Variants in TRPM2 observed in about 807,000 individuals in gnomAD.
TRPM2 encodes estrogen-responsive element-associated gene 1 protein.
TRPM2 carries 161 observed loss-of-function variants against 174.0 expected under a neutral mutation model. That is an observed-to-expected ratio of 0.93 (90% CI 0.81 to 1.05). The LOEUF is 1.05. TRPM2 is among the 50% of genes least tolerant of loss of function. The probability of loss-of-function intolerance (pLI) is 0.00; values close to 1 mark genes in which losing one functional copy is unlikely to be tolerated. For synonymous variants in TRPM2, 954 were observed against 861.3 expected (o/e 1.11, Z -1.88); for missense variants, 2,057 against 2,038.0 (o/e 1.01, Z -0.18).
chr21:44,428,683 C>T (rs1314834934), intron 27 of TRPM2, among the ~76,000 whole-genome samples: 1 of 28,228 alleles, frequency 3.5e-5, no homozygotes, highest in Non-Finnish European at 1.3e-4. Flanking sequence ...TGGCTCCTCC[C>T]TGAGGTGTGG....
intron 18 of TRPM2, 143 bp from the exon 19 acceptor site, chr21:44,406,451 C>T: frequency 1.2e-5 from 12 of 1,036,806 alleles, no homozygotes; most frequent in Non-Finnish European, 1.6e-5. Flanking sequence ...GGGGGCAGCC[C>T]CAGGACTGCT....
chr21:44,427,055 C>T lies in TRPM2; in HGVS notation c.3918C>T (p.Gly1306=). 1.2e-6 allele frequency: 2 copies of T among 1,607,692 alleles called. No individual in the cohort carries two copies. The highest frequency in any genetic ancestry group is 2.2e-5 in the East Asian group (1 of 44,710). Residue 1306 remains glycine, a synonymous_variant, in exon 27 of 32, where the codon GGC becomes GGT. Coordinates refer to ENST00000397928, the MANE Select transcript of TRPM2 (RefSeq NM_003307.4). The part of the protein sequence containing the change: ...LSTIQYNVVD[G]LRDRRSFHGP... The stretch of plus-strand genomic sequence containing the variant: ...CGATCCAGTACAACGTGGTGGATGG[C>T]CTGAGGGACCGCCGGAGCTTCCACG...
intron 5 of TRPM2, among the ~76,000 whole-genome samples, chr21:44,372,353 G>A (rs1457745287): frequency 1.8e-4 from 27 of 151,958 alleles, no homozygotes; most frequent in East Asian, 3.9e-4. Context: ...AAAATTAGCC[G>A]GGCATGGTGG....
intron 8 of TRPM2, among the ~76,000 whole-genome samples, chr21:44,380,733 C>A (rs1339669438): frequency 1.3e-5 from 2 of 152,196 alleles, no homozygotes; most frequent in Non-Finnish European, 2.9e-5. Flanking sequence ...TGGGCGGCCC[C>A]GTCAGAGGGG....
chr21:44,405,091 A>T lies in TRPM2; in HGVS notation c.2539-51A>T, dbSNP rs558916823. 3.1e-6 allele frequency: 5 copies of T among 1,605,912 alleles called. No homozygotes were observed. The East Asian group carries it at 1.1e-4, about 36-fold the overall frequency. On this transcript the variant is annotated intron_variant, in intron 16 of 31. Coordinates refer to ENST00000397928, the MANE Select transcript of TRPM2 (RefSeq NM_003307.4). ...TAGTGATGTGACAGTGACAGTGAGG[A>T]TAGTAAGAGTGACAACCTGTCTGCC...
rs956889278 is a variant in TRPM2 at position 44,424,916 on chromosome 21, C to G, written c.3614C>G (p.Ser1205Trp). 6.2e-7 allele frequency: 1 copy of G among 1,606,092 alleles called. No individual in the cohort carries two copies. Among genetic ancestry groups the G allele is most frequent in the African/African-American group, 1.3e-5 (1 of 74,810 alleles). ...VRTLRASGFS[S>W]EADVPTLASQ... ...ACGCTGCGGGCCAGCGGCTTCAGCT[C>G]GGAGGCGGACGTCCCCACTCTGGGT... The change falls in exon 24 of 32, where the codon TCG becomes TGG. Residue 1205 changes from serine (S) to tryptophan (W), a missense_variant. Transcript: ENST00000397928.
At chr21:44,407,805 C>T (rs1198863817) in intron 19 of TRPM2, among the ~76,000 whole-genome samples, 1 of 151,814 alleles carries the variant, frequency 6.6e-6, no homozygotes. Context: ...GCTGTGTGGA[C>T]ACACCACATT....
intron 31 of TRPM2, among the ~76,000 whole-genome samples, chr21:44,441,152 G>A (rs2051490190): frequency 6.6e-6 from 1 of 152,194 alleles, no homozygotes; most frequent in South Asian, 2.1e-4. Flanking sequence ...AGGCTACAGG[G>A]TCAGAGTCTT....
Position 44,354,874 on chromosome 21 carries a change from G to T in TRPM2, c.254+138G>T. ...CCTCTGTCTCCATACGAGGCTTAGAGTCCACAGAGCATTTCCACCTAACCC... is the reference window on the plus strand; with the variant it reads ...CCTCTGTCTCCATACGAGGCTTAGATTCCACAGAGCATTTCCACCTAACCC... On this transcript the variant is annotated intron_variant, in intron 2 of 31. Coordinates refer to ENST00000397928, the MANE Select transcript of TRPM2 (RefSeq NM_003307.4). This position sits in a 1 kb window ranked among gnomAD's most constrained non-coding sequence, Gnocchi z 4.3. 1.3e-6 allele frequency: 1 copy of T among 752,806 alleles called. No individual in the cohort carries two copies. 46.6% of individuals were successfully genotyped at this position (752,806 alleles called of 1,614,324 possible).
At position 44,390,968 on chromosome 21, in the gene TRPM2, ATGGAATCGCG is replaced by A. The variant is rs2049154550; in HGVS notation, c.1388_1397del (p.Asn463ThrfsTer23). ...ACCACCAGCTGAAACTGGCAGTGGC[ATGGAATCGCG>A]TGGACATTGCCCGCAGTGAGATCTT... On this transcript the variant is annotated frameshift_variant, in exon 10 of 32. Transcript: ENST00000397928. LOFTEE classifies it high-confidence loss of function. 1.2e-6 allele frequency: 2 copies of A among 1,614,134 alleles called. No homozygotes were observed. Among genetic ancestry groups the A allele is most frequent in the Non-Finnish European group, 1.7e-6 (2 of 1,180,020 alleles).
At chr21:44,414,096 G>A in intron 20 of TRPM2, 22 bp downstream of exon 20, 1 of 1,601,000 alleles carries the variant, frequency 6.2e-7, no homozygotes. Flanking sequence ...GGTGGGGCTG[G>A]CGTGCAGGTG....
At chr21:44,405,284 G>C in intron 17 of TRPM2, 24 bp downstream of exon 17, 3 of 1,609,886 alleles carry the variant, frequency 1.9e-6, no homozygotes, top group Non-Finnish European at 2.5e-6. Context: ...CCCCGATGGC[G>C]GGCCCGTCTG....
At chr21:44,356,072 C>T (rs577204383) in intron 2 of TRPM2, among the ~76,000 whole-genome samples, 7 of 139,800 alleles carry the variant, frequency 5.0e-5, no homozygotes, top group African/African-American at 7.8e-5. Context: ...GGGCCGGGCG[C>T]GGTGGCTCAC....
At chr21:44,418,835 C>T (rs1456883563) in intron 22 of TRPM2, among the ~76,000 whole-genome samples, 1 of 151,934 alleles carries the variant, frequency 6.6e-6, no homozygotes, top group African/African-American at 2.4e-5. Context: ...GCAGGTTGGC[C>T]CGCAGGATCC....
At chr21:44,364,088 G>C in intron 2 of TRPM2, 26 bp from the exon 3 acceptor site, 2 of 1,607,684 alleles carry the variant, frequency 1.2e-6, no homozygotes, top group Non-Finnish European at 1.7e-6. Context: ...CACACTCCCT[G>C]GGTGACTGGT....
At position 44,440,873 on chromosome 21, in the gene TRPM2, C is replaced by A; in HGVS notation, c.4354C>A (p.Gln1452Lys). 1 of 1,613,936 alleles carries A rather than the reference C, an allele frequency of 6.2e-7. No individual in the cohort carries two copies. The highest frequency in any genetic ancestry group is 1.7e-5 in the Admixed American group (1 of 60,024). The part of the protein sequence containing the change: ...TVAVSVHFQD[Q>K]NDVELNRLNS... ...GGCCGTCAGCGTCCACTTCCAGGAC[C>A]AGAATGACGTGGAGCTGAACAGGCT... Residue 1452 changes from glutamine to lysine, a missense_variant, in exon 31 of 32, where the codon CAG becomes AAG. By Grantham distance (53) the Gln-to-Lys change is moderately conservative. Coordinates refer to ENST00000397928, the MANE Select transcript of TRPM2 (RefSeq NM_003307.4).
rs1474032072 is a variant in TRPM2 at position 44,390,295 on chromosome 21, T to C, written c.1319-609T>C. 2.0e-5 allele frequency among the ~76,000 whole-genome samples: 3 copies of C among 152,236 alleles called. 1 individual carries two copies. The highest frequency in any genetic ancestry group is 4.8e-5 in the African/African-American group (2 of 41,466). On this transcript the variant is annotated intron_variant, in intron 9 of 31. Transcript: ENST00000397928. ...GGCAGTTTTGTAGACATAGCCTTTA[T>C]GTTTGGGCCTAAGAACCGCTCCATG...
chr21:44,369,037 G>C, intron 4 of TRPM2, 140 bp from the exon 5 acceptor site: 1 of 954,956 alleles, frequency 1.0e-6, no homozygotes, highest in Non-Finnish European at 1.5e-6. Flanking sequence ...CCTGATGCTG[G>C]TTTGAAAGCC....
In TRPM2 at chr21:44,405,169, C is replaced by G. The variant is rs762828107; in HGVS notation, c.2566C>G (p.Leu856Val). ...QLFYDPDECG[L>V]MKKAALYFSD... ...CTTCTATGACCCTGACGAGTGCGGG[C>G]TGATGAAGAAGGCAGCCTTGTACTT... Residue 856 changes from leucine to valine, a missense_variant, in exon 17 of 32, where the codon CTG becomes GTG. Physicochemically the swap from Leu to Val is conservative, Grantham distance 32. Coordinates refer to ENST00000397928, the MANE Select transcript of TRPM2 (RefSeq NM_003307.4). 2 of 1,613,518 alleles carry G rather than the reference C, an allele frequency of 1.2e-6. No individual in the cohort carries two copies. Among genetic ancestry groups the G allele is most frequent in the African/African-American group, 2.7e-5 (2 of 75,058 alleles).
Sources: gnomAD v4.1 joint callset for allele counts (sites outside exome capture counted in the v4.1 genomes callset) on GRCh38, gnomAD v4.1.1 for gene constraint, Gnocchi (gnomAD v3.1) non-coding constraint, MANE v1.5 for transcripts, NCBI Gene and HGNC (gene_info 2026-07-23, HGNC 2026-07-21) for gene names.